Variants in KIF6 observed in about 807,000 individuals in gnomAD.
The protein encoded by KIF6 is kinesin family member 6.
In KIF6, 106 loss-of-function variants were observed where a neutral mutation model predicts 112.7. The observed-to-expected ratio is 0.94, with a 90% CI of 0.80 to 1.11. The LOEUF (loss-of-function observed/expected upper bound fraction) is 1.11, where lower values mean the gene tolerates loss of function less well. Among genes scored for constraint, KIF6 ranks in the 50% least tolerant of loss-of-function variants. The pLI, the probability that KIF6 is intolerant of heterozygous loss-of-function variation, is 0.00. For missense variants in KIF6, 929 were observed against 964.0 expected, an observed-to-expected ratio of 0.96 and a Z score of 0.48; for synonymous variants, 339 against 339.9, an observed-to-expected ratio of 1.00 and a Z score of 0.03.
chr6:39,716,418 G>A (rs184428468), intron 2 of KIF6, among the ~76,000 whole-genome samples: 2 of 152,222 alleles, frequency 1.3e-5, no homozygotes, highest in East Asian at 1.9e-4. Context: ...TTAGAAGAAC[G>A]ATTTTAGCAC....
intron 5 of KIF6, chr6:39,620,389 A>G (rs1053387695): frequency 6.6e-6 from 1 of 152,238 alleles, no homozygotes; most frequent in Admixed American, 6.5e-5. Flanking sequence ...TGGGAAACCT[A>G]TAAGAATAGA....
chr6:39,337,191 C>CTTTCTTTCTTTCTTTCTT, intron 22 of KIF6, among the ~76,000 whole-genome samples: 1 of 88,282 alleles, frequency 1.1e-5, no homozygotes, highest in Admixed American at 1.2e-4. Flanking sequence ...TTCTTTCTTT[C>CTTTCTTTCTTTCTTTCTT]TTTCTTTCTT....
At chr6:39,589,919 A>T (rs371628424) in intron 7 of KIF6, among the ~76,000 whole-genome samples, 5 of 152,232 alleles carry the variant, frequency 3.3e-5, no homozygotes, top group Non-Finnish European at 7.3e-5. Context: ...TTTACAATTA[A>T]GAAATTTGAC....
At position 39,690,324 on chromosome 6, in the gene KIF6, T is replaced by C. The variant is rs568815064; in HGVS notation, c.251+24368A>G. 3.9e-5 allele frequency: 6 copies of C among 152,038 alleles called. No homozygotes were observed. The South Asian group carries it at 8.3e-4, about 21-fold the overall frequency. The allele number at this position is 152,038 out of a possible 1,614,324, so 9.4% of individuals were successfully genotyped here. On this transcript the variant is annotated intron_variant, in intron 3 of 22. Coordinates refer to ENST00000287152, the MANE Select transcript of KIF6 (RefSeq NM_145027.6). The stretch of plus-strand genomic sequence containing the variant: ...AACGATGTCAATGGCACTAGGGAAA[T>C]AGGAAGAGGACAATTCTGGAAAGTT...
In KIF6 at chr6:39,332,723, A is replaced by G. The variant is rs545725950; in HGVS notation, c.*3809T>C. The G allele has an allele frequency of 1.3e-5, 2 of 152,344 alleles. No homozygotes were observed. The highest frequency in any genetic ancestry group is 2.9e-5 in the Non-Finnish European group (2 of 68,036). The allele number at this position is 152,344 out of a possible 1,614,324, so 9.4% of individuals were successfully genotyped here. A position where few individuals can be genotyped will look rare whatever the true frequency, so the allele number is the denominator to read the frequency against. ...TCTTCACATGCAGATGTTGATCGGT[A>G]GTTAGCTGAAGACTCAAGGGTAACC... On this transcript the variant is annotated 3_prime_UTR_variant, in exon 23 of 23. Coordinates refer to ENST00000287152, the MANE Select transcript of KIF6 (RefSeq NM_145027.6).
chr6:39,620,164 T>G (rs1422639291), intron 5 of KIF6, among the ~76,000 whole-genome samples: 1 of 152,224 alleles, frequency 6.6e-6, no homozygotes, highest in Non-Finnish European at 1.5e-5. Flanking sequence ...TTCCTTCTGA[T>G]GCTCCAGGCT....
At chr6:39,705,854 C>T (rs1412859187) in intron 3 of KIF6, among the ~76,000 whole-genome samples, 1 of 152,180 alleles carries the variant, frequency 6.6e-6, no homozygotes, top group Admixed American at 6.5e-5. Flanking sequence ...TCCTTTCCTT[C>T]GCTTTCTCAC....
chr6:39,418,964 A>G (rs1770135896), intron 15 of KIF6, among the ~76,000 whole-genome samples: 1 of 152,112 alleles, frequency 6.6e-6, no homozygotes, highest in Admixed American at 6.6e-5. Flanking sequence ...GGTGAGGCAC[A>G]GGGATCGCCT....
At chr6:39,552,175 T>G (rs935223530) in intron 10 of KIF6, among the ~76,000 whole-genome samples, 25 of 152,202 alleles carry the variant, frequency 1.6e-4, no homozygotes, top group Admixed American at 1.5e-3. Flanking sequence ...TAACTGGAAA[T>G]GTTCTGTGAA....
At position 39,345,686 on chromosome 6, in the gene KIF6, A is replaced by G; in HGVS notation, c.2321+14T>C. 1 of 1,608,160 alleles carries G rather than the reference A, an allele frequency of 6.2e-7. No homozygotes were observed. The highest frequency in any genetic ancestry group is 8.5e-7 in the Non-Finnish European group (1 of 1,176,602). Reference sequence around the variant, plus strand: ...CAGGGGCTGTCACAGGCATAACAGGAGAAGACCACAGACCTGTCTTCCAGT... The same window carrying G: ...CAGGGGCTGTCACAGGCATAACAGGGGAAGACCACAGACCTGTCTTCCAGT... On this transcript the variant is annotated intron_variant, in intron 21 of 22. Coordinates refer to ENST00000287152, the MANE Select transcript of KIF6 (RefSeq NM_145027.6).
intron 16 of KIF6, among the ~76,000 whole-genome samples, chr6:39,370,470 T>C (rs999309837): frequency 1.3e-5 from 2 of 152,196 alleles, no homozygotes; most frequent in African/African-American, 4.8e-5. Flanking sequence ...AAAACATACC[T>C]GCTACTAGCC....
chr6:39,496,328 A>G (rs74859351), intron 13 of KIF6, among the ~76,000 whole-genome samples: 2,729 of 152,272 alleles, frequency 0.018, 80 homozygotes, highest in African/African-American at 0.062. Flanking sequence ...GAATGGCTCA[A>G]TTGGCTCCCA....
At chr6:39,355,042 C>T (rs942602586) in intron 19 of KIF6, among the ~76,000 whole-genome samples, 2 of 152,180 alleles carry the variant, frequency 1.3e-5, no homozygotes, top group African/African-American at 4.8e-5. Flanking sequence ...TTAAATTAGC[C>T]ATGTATGGTG....
At chr6:39,485,729 C>T (rs1446266010) in intron 13 of KIF6, among the ~76,000 whole-genome samples, 3 of 152,046 alleles carry the variant, frequency 2.0e-5, no homozygotes, top group African/African-American at 2.4e-5. Context: ...AAACAGCAAG[C>T]CACTGATTTT....
chr6:39,366,133 A>G (rs1270163499), intron 16 of KIF6, among the ~76,000 whole-genome samples: 1 of 152,168 alleles, frequency 6.6e-6, no homozygotes, highest in Non-Finnish European at 1.5e-5. Flanking sequence ...GCACATTCTG[A>G]ATGCAGCTGA....
intron 15 of KIF6, among the ~76,000 whole-genome samples, chr6:39,413,306 C>T (rs1769626110): frequency 6.6e-6 from 1 of 152,188 alleles, no homozygotes; most frequent in East Asian, 1.9e-4. Context: ...TCTCCTATTT[C>T]AGGCCATAGA....
chr6:39,631,788 C>T (rs565476095), intron 5 of KIF6, among the ~76,000 whole-genome samples: 3 of 151,754 alleles, frequency 2.0e-5, no homozygotes, highest in African/African-American at 7.2e-5. Flanking sequence ...AGAGAATAAC[C>T]TGGGAATTGT....
At chr6:39,628,431 G>T (rs1403500499) in intron 5 of KIF6, among the ~76,000 whole-genome samples, 1 of 151,950 alleles carries the variant, frequency 6.6e-6, no homozygotes, top group African/African-American at 2.4e-5. Context: ...TATCATATGG[G>T]TAGCTTTGTG....
chr6:39,440,556 C>T (rs929802221), intron 13 of KIF6, among the ~76,000 whole-genome samples: 2 of 152,090 alleles, frequency 1.3e-5, no homozygotes, highest in African/African-American at 2.4e-5. Flanking sequence ...GTGTTCCAAA[C>T]CCCTGTCTCC....
Sources: allele counts gnomAD v4.1 joint callset (sites outside exome capture counted in the v4.1 genomes callset), GRCh38; gene constraint gnomAD v4.1.1; transcripts MANE v1.5; gene names NCBI Gene and HGNC (gene_info 2026-07-23, HGNC 2026-07-21).